Variants in CDH13 observed in about 807,000 individuals in gnomAD.
CDH13 encodes the protein cadherin-13.
A neutral mutation model predicts 63.8 loss-of-function variants in CDH13; 24 were observed. The observed-to-expected ratio is 0.38, with a 90% confidence interval of 0.27 to 0.53. The LOEUF is 0.53. CDH13 is among the 20% of genes least tolerant of loss of function. The pLI is 0.85. For missense variants in CDH13, 1,049 were observed against 903.1 expected (o/e 1.16, Z -2.07); for synonymous variants, 503 against 355.3 (o/e 1.42, Z -4.67).
chr16:83,623,907 A>T (rs965828535), intron 8 of CDH13, among the ~76,000 whole-genome samples: 1 of 152,266 alleles, frequency 6.6e-6, no homozygotes, highest in Middle Eastern at 3.4e-3. Flanking sequence ...ATTCACTTGT[A>T]TTTTCTCCGG....
At chr16:83,345,193 G>C (rs879576195) in intron 6 of CDH13, among the ~76,000 whole-genome samples, 187 bp downstream of exon 6, 7 of 152,202 alleles carry the variant, frequency 4.6e-5, no homozygotes, top group Non-Finnish European at 1.0e-4. Flanking sequence ...GGTGTTGCAA[G>C]CTACGGAAAT....
chr16:83,703,866 A>G (rs902298524), intron 10 of CDH13, among the ~76,000 whole-genome samples: 4 of 152,156 alleles, frequency 2.6e-5, no homozygotes, highest in Non-Finnish European at 4.4e-5. Flanking sequence ...ACGAACTCGC[A>G]ATTACTCCCT....
chr16:82,652,696 A>G (rs990898107), intron 1 of CDH13, among the ~76,000 whole-genome samples: 1 of 147,190 alleles, frequency 6.8e-6, no homozygotes, highest in African/African-American at 2.5e-5. Flanking sequence ...GGCCTGCATT[A>G]CCTAGAATTG....
At chr16:83,370,763 G>A (rs1315146128) in intron 6 of CDH13, among the ~76,000 whole-genome samples, 4 of 152,094 alleles carry the variant, frequency 2.6e-5, no homozygotes, top group African/African-American at 7.2e-5. Context: ...TAGGATAATG[G>A]TCTCCATTTC....
intron 4 of CDH13, among the ~76,000 whole-genome samples, chr16:83,194,100 G>A (rs1180987138): frequency 2.0e-5 from 3 of 152,198 alleles, no homozygotes; most frequent in African/African-American, 4.8e-5. Context: ...TTCAAGGACA[G>A]CTCGTTCCAA....
intron 4 of CDH13, among the ~76,000 whole-genome samples, chr16:83,184,998 G>A (rs2038474192): frequency 6.6e-6 from 1 of 151,692 alleles, no homozygotes; most frequent in Admixed American, 6.6e-5. Context: ...TGGTGTGTGG[G>A]TATATATACA....
chr16:83,265,700 C>G (rs1354067853), intron 5 of CDH13, among the ~76,000 whole-genome samples: 2 of 110,472 alleles, frequency 1.8e-5, no homozygotes, highest in Non-Finnish European at 3.8e-5. Flanking sequence ...AAAGATTCAC[C>G]TGTTTTCTGT....
chr16:83,245,116 T>C (rs1192543481), intron 5 of CDH13, among the ~76,000 whole-genome samples: 1 of 111,670 alleles, frequency 9.0e-6, no homozygotes, highest in Non-Finnish European at 1.8e-5. Context: ...CTGGATAGTA[T>C]GCAAAAAAAA....
rs146705553 is a variant in CDH13 at position 83,353,079 on chromosome 16, C to T, written c.781+8073C>T. On this transcript the variant is annotated intron_variant, in intron 6 of 13. Coordinates refer to ENST00000567109, the MANE Select transcript of CDH13 (RefSeq NM_001257.5). ...CTTTGGAGACTCAGAAGGGTGGAAG[C>T]GTGGCAAGGGTGTAACGTGTGAGAA... Among the ~76,000 whole-genome samples, 53 of 152,158 alleles carry T rather than the reference C, an allele frequency of 3.5e-4. No homozygotes were observed. The East Asian group carries it at 9.3e-3, about 27-fold the overall frequency.
At chr16:82,698,072 A>G (rs1471508026) in intron 1 of CDH13, among the ~76,000 whole-genome samples, 2 of 152,150 alleles carry the variant, frequency 1.3e-5, no homozygotes, top group African/African-American at 4.8e-5. Flanking sequence ...GAATGAATGA[A>G]TGAGTGGAGA....
intron 1 of CDH13, among the ~76,000 whole-genome samples, chr16:82,817,410 C>T (rs188777472): frequency 6.6e-6 from 1 of 152,240 alleles, no homozygotes; most frequent in African/African-American, 2.4e-5. Flanking sequence ...CTCTAGGCCC[C>T]AGTTACCTCC....
chr16:83,368,398 C>G (rs1327820662), intron 6 of CDH13, among the ~76,000 whole-genome samples: 1 of 152,196 alleles, frequency 6.6e-6, no homozygotes, highest in African/African-American at 2.4e-5. Flanking sequence ...TGCTGTAGCT[C>G]ATGACTTAGG....
At chr16:83,397,725 T>C (rs1352853716) in intron 6 of CDH13, among the ~76,000 whole-genome samples, 2 of 152,222 alleles carry the variant, frequency 1.3e-5, no homozygotes, top group Non-Finnish European at 2.9e-5. Context: ...GAGTTGTTTA[T>C]CTCTGTATCT....
intron 1 of CDH13, among the ~76,000 whole-genome samples, chr16:82,645,424 G>C (rs1387845866): frequency 6.6e-6 from 1 of 152,124 alleles, no homozygotes; most frequent in Non-Finnish European, 1.5e-5. Flanking sequence ...GTTGGGGTGA[G>C]GGGGGTTGTG....
intron 10 of CDH13, among the ~76,000 whole-genome samples, chr16:83,724,170 G>C (rs1289986789): frequency 6.6e-6 from 1 of 150,940 alleles, no homozygotes; most frequent in Non-Finnish European, 1.5e-5. Context: ...ATGAATACAT[G>C]GGTGAGTGAT....
At chr16:83,583,094 C>G (rs1193440107) in intron 7 of CDH13, among the ~76,000 whole-genome samples, 1 of 152,148 alleles carries the variant, frequency 6.6e-6, no homozygotes, top group African/African-American at 2.4e-5. Flanking sequence ...CATCTAGAGG[C>G]CCCAGTTCCT....
intron 1 of CDH13, among the ~76,000 whole-genome samples, chr16:82,774,656 G>A (rs1306835659): frequency 2.6e-5 from 4 of 152,174 alleles, no homozygotes; most frequent in African/African-American, 9.7e-5. Flanking sequence ...CTGTGTTAAA[G>A]TTATGGTGTT....
intron 7 of CDH13, among the ~76,000 whole-genome samples, chr16:83,560,244 C>G (rs1165331779): frequency 1.3e-5 from 2 of 152,198 alleles, no homozygotes; most frequent in African/African-American, 2.4e-5. Context: ...CAAAATTCTT[C>G]TCTCTTACTT....
At chr16:83,601,438 G>A (rs894705714) in intron 7 of CDH13, among the ~76,000 whole-genome samples, 5 of 152,208 alleles carry the variant, frequency 3.3e-5, no homozygotes, top group African/African-American at 1.2e-4. Context: ...AGAGAGAATA[G>A]TGCAATATTG....
Sources: gnomAD v4.1 joint callset for allele counts (sites outside exome capture counted in the v4.1 genomes callset) on GRCh38, gnomAD v4.1.1 for gene constraint, MANE v1.5 for transcripts, NCBI Gene and HGNC (gene_info 2026-07-23, HGNC 2026-07-21) for gene names.